FAM184B: variants seen among roughly 807,000 people sequenced by gnomAD.
FAM184B encodes protein FAM184B.
FAM184B carries 111 observed loss-of-function variants against 135.9 expected under a neutral mutation model. The ratio of observed to expected loss-of-function variants is 0.82; its 90% CI spans 0.70 to 0.96. The LOEUF is 0.96. Among genes scored for constraint, FAM184B ranks in the 40% least tolerant of loss-of-function variants. FAM184B has a pLI of 0.00. For synonymous variants in FAM184B, 552 were observed against 524.8 expected, an observed-to-expected ratio of 1.05 and a Z score of -0.71; for missense variants, 1,375 against 1,323.9, an observed-to-expected ratio of 1.04 and a Z score of -0.60.
intron 1 of FAM184B, among the ~76,000 whole-genome samples, chr4:17,775,406 C>T (rs910634772): frequency 6.6e-6 from 1 of 152,090 alleles, no homozygotes; most frequent in Non-Finnish European, 1.5e-5. Flanking sequence ...AGGATGGTCT[C>T]CGTCTCCTGA....
At chr4:17,647,061 A>G (rs1028773989) in intron 12 of FAM184B, among the ~76,000 whole-genome samples, 2 of 152,202 alleles carry the variant, frequency 1.3e-5, no homozygotes, top group African/African-American at 4.8e-5. Flanking sequence ...TCGAGGGCCT[A>G]TCTAGCACCA....
chr4:17,669,704 G>C (rs1716128032), intron 7 of FAM184B, among the ~76,000 whole-genome samples: 1 of 152,084 alleles, frequency 6.6e-6, no homozygotes, highest in East Asian at 1.9e-4. Flanking sequence ...GAAAACATAA[G>C]GCAAAATGTG....
chr4:17,647,606 G>A, intron 12 of FAM184B, 31 bp downstream of exon 12: 1 of 1,539,504 alleles, frequency 6.5e-7, no homozygotes, highest in Non-Finnish European at 8.8e-7. Context: ...TCTGGGAGGG[G>A]TATTGCTGGT....
intron 1 of FAM184B, among the ~76,000 whole-genome samples, chr4:17,744,484 CACACACCA>C (rs1252448887): frequency 3.5e-4 from 50 of 143,752 alleles, no homozygotes; most frequent in African/African-American, 9.1e-4. Context: ...CACACACACA[CACACACCA>C]CACACACACA....
Position 17,781,295 on chromosome 4 carries a change from G to A in FAM184B, c.5C>T (p.Ala2Val), listed in dbSNP as rs2109001811. Residue 2 changes from alanine (A) to valine (V), a missense_variant, in exon 1 of 18, where the codon GCT becomes GTT. Coordinates refer to ENST00000265018, the MANE Select transcript of FAM184B (RefSeq NM_015688.2). The surrounding 1 kb of genome is among the most constrained non-coding windows in gnomAD (Gnocchi z 6.5). M[A>V]SALNSKINPP... Reference sequence around the variant, plus strand: ...GTTAATTTTGCTGTTGAGAGCAGAAGCCATCGCTAAAACGCGCCCAGCACT... The same window carrying A: ...GTTAATTTTGCTGTTGAGAGCAGAAACCATCGCTAAAACGCGCCCAGCACT... 2 of 1,533,752 alleles carry A rather than the reference G, an allele frequency of 1.3e-6. No homozygotes were observed. Among genetic ancestry groups the A allele is most frequent in the Non-Finnish European group, 1.8e-6 (2 of 1,135,194 alleles).
intron 1 of FAM184B, among the ~76,000 whole-genome samples, chr4:17,734,658 G>A (rs1315525285): frequency 6.7e-5 from 10 of 150,326 alleles, no homozygotes; most frequent in East Asian, 2.0e-4. Flanking sequence ...TTAGAATGGC[G>A]ATCATTAAAA....
chr4:17,718,230 T>C (rs1189453151), intron 1 of FAM184B, among the ~76,000 whole-genome samples: 1 of 152,200 alleles, frequency 6.6e-6, no homozygotes. Context: ...AGTTATGATT[T>C]TTACTATTAT....
intron 5 of FAM184B, among the ~76,000 whole-genome samples, chr4:17,700,954 TAAA>T (rs1166305861): frequency 6.6e-6 from 1 of 151,988 alleles, no homozygotes; most frequent in Non-Finnish European, 1.5e-5. Context: ...TAGTAGCAAA[TAAA>T]GAAAAAAATT....
rs71167316 is a variant in FAM184B at position 17,641,461 on chromosome 4, C to CTTTT, written c.2519+591_2519+594dup. 8.8e-3 allele frequency among the ~76,000 whole-genome samples: 401 copies of CTTTT among 45,690 alleles called. 103 individuals are homozygous for CTTTT. Among genetic ancestry groups the CTTTT allele is most frequent in the Non-Finnish European group, 0.011 (299 of 26,050 alleles). The allele number at this position is 45,690 out of a possible 152,430, so 30.0% of individuals were successfully genotyped here. The stretch of plus-strand genomic sequence containing the variant: ...TGCAGGGAAACAAACAGGACTCCCT[C>CTTTT]TTTTTTTTTTTTTTTTTTTTTTTTT... On this transcript the variant is annotated intron_variant, in intron 13 of 17. Transcript: ENST00000265018.
At chr4:17,757,030 G>A (rs1312146443) in intron 1 of FAM184B, among the ~76,000 whole-genome samples, 3 of 152,180 alleles carry the variant, frequency 2.0e-5, no homozygotes, top group Admixed American at 6.5e-5. Flanking sequence ...ATCACAAAAA[G>A]AGAAAATCAG....
chr4:17,705,538 T>C (rs1367149112), intron 4 of FAM184B, among the ~76,000 whole-genome samples: 3 of 152,284 alleles, frequency 2.0e-5, no homozygotes, highest in Middle Eastern at 3.4e-3. Flanking sequence ...GCCGATGATA[T>C]AGCGTTGGGA....
rs990810430 is a variant in FAM184B at position 17,706,894 on chromosome 4, C to T, written c.1030+755G>A. On this transcript the variant is annotated intron_variant, in intron 3 of 17. Transcript: ENST00000265018. ...TCTGCCTCCAGGGCTCAAGTGAGTC[C>T]CCTTCCTCAGCCTCCCAAGTAGCTA... 5.7e-4 allele frequency among the ~76,000 whole-genome samples: 87 copies of T among 151,780 alleles called. 1 individual carries two copies. The highest frequency in any genetic ancestry group is 2.0e-3 in the African/African-American group (81 of 41,324).
At chr4:17,641,854 T>C (rs1203230189) in intron 13 of FAM184B, among the ~76,000 whole-genome samples, 1 of 152,018 alleles carries the variant, frequency 6.6e-6, no homozygotes, top group African/African-American at 2.4e-5. Flanking sequence ...CCAGAATTTC[T>C]GGAGCTCTGG....
intron 1 of FAM184B, among the ~76,000 whole-genome samples, chr4:17,732,594 G>A (rs1717808133): frequency 6.6e-6 from 1 of 152,160 alleles, no homozygotes; most frequent in Non-Finnish European, 1.5e-5. Context: ...TGGAAGAAAT[G>A]GATAAATTCC....
At position 17,693,318 on chromosome 4, in the gene FAM184B, T is replaced by G. The variant is rs763181014; in HGVS notation, c.1472A>C (p.Gln491Pro). ...EEKAALNVKL[Q>P]NSLLEVLRLE... The stretch of plus-strand genomic sequence containing the variant: ...AGGGCTCACCTCAAGCAGAGAATTC[T>G]GAAGCTTCACATTGAGGGCTGCTTT... Residue 491 changes from glutamine to proline, a missense_variant, in exon 6 of 18, where the codon CAG becomes CCG. Coordinates refer to ENST00000265018, the MANE Select transcript of FAM184B (RefSeq NM_015688.2). 1.3e-6 allele frequency: 2 copies of G among 1,551,494 alleles called. No homozygotes were observed. Among genetic ancestry groups the G allele is most frequent in the South Asian group, 2.4e-5 (2 of 84,050 alleles).
chr4:17,747,044 CAAAAA>C (rs11342758), intron 1 of FAM184B, among the ~76,000 whole-genome samples: 1 of 98,530 alleles, frequency 1.0e-5, no homozygotes. Flanking sequence ...GACTCCATCT[CAAAAA>C]AAAAAAAAAA....
intron 1 of FAM184B, among the ~76,000 whole-genome samples, chr4:17,730,163 C>A (rs548357995): frequency 1.3e-5 from 2 of 152,066 alleles, no homozygotes; most frequent in East Asian, 3.9e-4. Context: ...GAAAGGGTAT[C>A]AGTAATGGAA....
intron 2 of FAM184B, among the ~76,000 whole-genome samples, 199 bp downstream of exon 2, chr4:17,708,693 A>ATATATATG (rs1717173070): frequency 7.8e-5 from 4 of 51,080 alleles, no homozygotes; most frequent in Non-Finnish European, 1.4e-4. Context: ...ATATATATAT[A>ATATATATG]TATATATATA....
intron 1 of FAM184B, among the ~76,000 whole-genome samples, chr4:17,736,011 G>A (rs1317493709): frequency 6.6e-6 from 1 of 152,202 alleles, no homozygotes; most frequent in Admixed American, 6.5e-5. Flanking sequence ...TGATGATCTT[G>A]ATAACAGTGT....
Sources: gnomAD v4.1 joint callset for allele counts (sites outside exome capture counted in the v4.1 genomes callset) on GRCh38, gnomAD v4.1.1 for gene constraint, Gnocchi (gnomAD v3.1) non-coding constraint, MANE v1.5 for transcripts, NCBI Gene and HGNC (gene_info 2026-07-23, HGNC 2026-07-21) for gene names.